The following DNMT3L variants were observed in gnomAD, a reference collection of about 807,000 sequenced individuals.
DNMT3L encodes DNA methyltransferase 3 like, also known as DNA (cytosine-5)-methyltransferase 3-like.
Under a neutral mutation model 36.2 loss-of-function variants are expected in DNMT3L, and 33 were observed. The ratio of observed to expected loss-of-function variants is 0.91; its 90% CI spans 0.69 to 1.22. DNMT3L has a LOEUF of 1.22. Ranked by LOEUF, DNMT3L falls within the 50% of genes most tolerant of loss-of-function variation. The probability of loss-of-function intolerance (pLI) is 0.00; values close to 1 mark genes in which losing one functional copy is unlikely to be tolerated. For missense variants in DNMT3L, 310 were observed against 303.1 expected (o/e 1.02, Z -0.17); for synonymous variants, 117 against 121.7 (o/e 0.96, Z 0.26).
chr21:44,259,840 G>T, intron 3 of DNMT3L, 129 bp from the exon 4 acceptor site: 1 of 971,756 alleles, frequency 1.0e-6, no homozygotes, highest in South Asian at 1.6e-5. Context: ...GTTGGAAGAT[G>T]TTAAGGAAGA....
At chr21:44,261,321 T>A (rs1344593032) in intron 1 of DNMT3L, 55 bp from the exon 2 acceptor site, 7 of 1,526,522 alleles carry the variant, frequency 4.6e-6, no homozygotes, top group Admixed American at 3.4e-5. Context: ...CCTGCTCAGA[T>A]CCCTGATGCA....
At chr21:44,255,000 G>T (rs545119465) in intron 7 of DNMT3L, among the ~76,000 whole-genome samples, 2 of 152,056 alleles carry the variant, frequency 1.3e-5, no homozygotes, top group Non-Finnish European at 2.9e-5. Flanking sequence ...TAATTTTTTT[G>T]TATTTTTAGT....
In DNMT3L at chr21:44,258,656, G is replaced by A. The variant is rs760663248; in HGVS notation, c.383C>T (p.Pro128Leu). Residue 128 changes from proline (P) to leucine (L), a missense_variant, in exon 6 of 12, where the codon CCC becomes CTC. Physicochemically the swap from Pro to Leu is moderately conservative, Grantham distance 98. Transcript: ENST00000628202. This position sits in a 1 kb window ranked among gnomAD's most constrained non-coding sequence, Gnocchi z 6.2. Reference sequence around the variant, plus strand: ...GGCGTGCACCTTCCCCGAGGTCCCGGGGCCGACCAGGCTATCCACACACTC... The same window carrying A: ...GGCGTGCACCTTCCCCGAGGTCCCGAGGCCGACCAGGCTATCCACACACTC... ...CFECVDSLVG[P>L]GTSGKVHAMS... The A allele has an allele frequency of 1.1e-5, 18 of 1,612,902 alleles. No homozygotes were observed. The highest frequency in any genetic ancestry group is 4.4e-5 in the South Asian group (4 of 91,088).
At chr21:44,255,923 G>T in intron 7 of DNMT3L, 144 bp downstream of exon 7, 1 of 794,590 alleles carries the variant, frequency 1.3e-6, no homozygotes, top group Non-Finnish European at 2.1e-6. Context: ...GGGTTAGCAT[G>T]GGCCCAGGGT....
At chr21:44,261,306 C>T in intron 1 of DNMT3L, 40 bp from the exon 2 acceptor site, 2 of 1,591,306 alleles carry the variant, frequency 1.3e-6, no homozygotes, top group Non-Finnish European at 1.7e-6. Context: ...AGAAAGCCGT[C>T]AGCCCCTGCT....
At chr21:44,260,017 C>T (rs960641859) in intron 3 of DNMT3L, among the ~76,000 whole-genome samples, 2 of 145,122 alleles carry the variant, frequency 1.4e-5, no homozygotes, top group Non-Finnish European at 3.0e-5. Flanking sequence ...CCTCTGCACT[C>T]CAGCCTGGGG....
At position 44,261,187 on chromosome 21, in the gene DNMT3L, G is replaced by T. The variant is rs778349527; in HGVS notation, c.73C>A (p.Leu25Ile). The stretch of plus-strand genomic sequence containing the variant: ...GTCCCGGGTGAAACGGAGCTTGAGA[G>T]CTCACTGGATCCCACCAAAATCACG... Reference protein sequence around the residue: ...MDVILVGSSELSSSVSPGTGR... With the variant: ...MDVILVGSSEISSSVSPGTGR... Residue 25 changes from leucine (L) to isoleucine (I), a missense_variant, in exon 2 of 12, where the codon CTC (leucine) becomes ATC (isoleucine). Transcript: ENST00000628202. 9.3e-6 allele frequency: 15 copies of T among 1,612,746 alleles called. No homozygotes were observed. The highest frequency in any genetic ancestry group is 1.1e-5 in the Non-Finnish European group (13 of 1,179,908).
chr21:44,261,376 A>G lies in DNMT3L; in HGVS notation c.-7-110T>C, dbSNP rs540808794. 905 of 1,030,680 alleles carry G rather than the reference A, an allele frequency of 8.8e-4. 4 individuals are homozygous for G. In the African/African-American group the frequency reaches 0.013, roughly 15 times the overall value. 63.8% of individuals were successfully genotyped at this position (1,030,680 alleles called of 1,614,324 possible). A position where few individuals can be genotyped will look rare whatever the true frequency, so the allele number is the denominator to read the frequency against. The stretch of plus-strand genomic sequence containing the variant: ...TTGCTGAGCAGACCTTGACTAGTTC[A>G]GGCCACCTGAACCCCCGCGGTGACA... On this transcript the variant is annotated intron_variant, in intron 1 of 11. Coordinates refer to ENST00000628202, the MANE Select transcript of DNMT3L (RefSeq NM_175867.3).
At chr21:44,253,591 T>C (rs1340543003) in intron 8 of DNMT3L, among the ~76,000 whole-genome samples, 1 of 151,892 alleles carries the variant, frequency 6.6e-6, no homozygotes, top group East Asian at 1.9e-4. Flanking sequence ...TGGTGGCGGG[T>C]GCCTGTAATA....
At position 44,259,643 on chromosome 21, in the gene DNMT3L, C is replaced by T. The variant is rs755933301; in HGVS notation, c.220G>A (p.Ala74Thr). ...GCCTCCCTGCCTACCTTACATGGGG[C>T]GCAGATCCCTCCCTCAAACAGAGGG... ...QHPLFEGGIC[A>T]PCKDKFLDAL... is the part of the protein sequence containing the mutation. The change falls in exon 4 of 12, where the codon GCC becomes ACC. Residue 74 changes from alanine to threonine, a missense_variant. Coordinates refer to ENST00000628202, the MANE Select transcript of DNMT3L (RefSeq NM_175867.3). The T allele has an allele frequency of 2.5e-5, 40 of 1,613,040 alleles. No homozygotes were observed. The highest frequency in any genetic ancestry group is 6.7e-5 in the East Asian group (3 of 44,900).
At chr21:44,253,991 C>T (rs1431638507) in intron 8 of DNMT3L, among the ~76,000 whole-genome samples, 3 of 152,090 alleles carry the variant, frequency 2.0e-5, no homozygotes, top group Admixed American at 6.5e-5. Context: ...GTGGGGACAG[C>T]GGAGGTGAGG....
intron 6 of DNMT3L, among the ~76,000 whole-genome samples, chr21:44,257,537 C>T (rs1378273482): frequency 1.2e-4 from 18 of 150,934 alleles, no homozygotes; most frequent in African/African-American, 2.2e-4. Flanking sequence ...AAAAATTAGC[C>T]GGGCGTAGTG....
Position 44,259,683 on chromosome 21 carries a change from C to G in DNMT3L, c.180G>C (p.Gln60His), listed in dbSNP as rs1259483942. The G allele has an allele frequency of 9.3e-6, 15 of 1,612,572 alleles. No homozygotes were observed. Among genetic ancestry groups the G allele is most frequent in the African/African-American group, 2.7e-5 (2 of 74,898 alleles). ...CAAACAGAGGGTGCTGTGTGTGAACCTGGAGACTTCCGCAGCAGATGCAGA... is the reference window on the plus strand; with the variant it reads ...CAAACAGAGGGTGCTGTGTGTGAACGTGGAGACTTCCGCAGCAGATGCAGA... ...EDICICCGSLQVHTQHPLFEG... is the reference protein window; with the variant it reads ...EDICICCGSLHVHTQHPLFEG... Residue 60 changes from glutamine to histidine, a missense_variant, in exon 4 of 12, where the codon CAG (glutamine) becomes CAC (histidine). Physicochemically the swap from Gln to His is conservative, Grantham distance 24. Coordinates refer to ENST00000628202, the MANE Select transcript of DNMT3L (RefSeq NM_175867.3).
rs765722839 is a variant in DNMT3L at position 44,260,048 on chromosome 21, C to CAAAAA, written c.152-342_152-338dup. On this transcript the variant is annotated intron_variant, in intron 3 of 11. Transcript: ENST00000628202. ...TGGGGGACAGAGTGAGAGTGTGTCT[C>CAAAAA]AAAAAAAAAAAAAAAAAAAAAAAGA... Among the ~76,000 whole-genome samples the CAAAAA allele has an allele frequency of 8.4e-3, 531 of 63,424 alleles. 14 individuals are homozygous for CAAAAA. Among genetic ancestry groups the CAAAAA allele is most frequent in the African/African-American group, 0.028 (482 of 17,494 alleles). 41.6% of individuals were successfully genotyped at this position (63,424 alleles called of 152,430 possible).
chr21:44,256,122 A>C lies in DNMT3L; in HGVS notation c.549T>G (p.Pro183=). 1 of 1,613,962 alleles carries C rather than the reference A, an allele frequency of 6.2e-7. No homozygotes were observed. Among genetic ancestry groups the C allele is most frequent in the African/African-American group, 1.3e-5 (1 of 75,036 alleles). ...ENPLEMFETV[P]VWRRQPVRVL... Reference sequence around the variant, plus strand: ...CCCGGACTGGCTGTCTCCTCCACACAGGCACGGTTTCGAACATCTCAAGGG... The same window carrying C: ...CCCGGACTGGCTGTCTCCTCCACACCGGCACGGTTTCGAACATCTCAAGGG... Residue 183 remains proline, a synonymous_variant, in exon 7 of 12, where the codon CCT becomes CCG. Coordinates refer to ENST00000628202, the MANE Select transcript of DNMT3L (RefSeq NM_175867.3).
chr21:44,253,948 G>A (rs943117856), intron 8 of DNMT3L, among the ~76,000 whole-genome samples: 4 of 152,298 alleles, frequency 2.6e-5, no homozygotes, highest in Middle Eastern at 6.8e-3. Context: ...GGTGCAACCT[G>A]AGGGTCTCCG....
At chr21:44,260,891 T>A in intron 2 of DNMT3L, 52 bp from the exon 3 acceptor site, 1 of 1,612,280 alleles carries the variant, frequency 6.2e-7, no homozygotes, top group East Asian at 2.2e-5. Context: ...GATCTCTTAA[T>A]TTAAATTCGG....
chr21:44,257,076 G>T (rs1204115209), intron 6 of DNMT3L, among the ~76,000 whole-genome samples: 2 of 152,180 alleles, frequency 1.3e-5, no homozygotes, highest in African/African-American at 4.8e-5. Context: ...TGGCTGGCCT[G>T]CAAATTAAAA....
At chr21:44,256,929 G>A (rs1028391354) in intron 6 of DNMT3L, among the ~76,000 whole-genome samples, 1 of 152,224 alleles carries the variant, frequency 6.6e-6, no homozygotes, top group Non-Finnish European at 1.5e-5. Flanking sequence ...AAGCTTGCTA[G>A]GCAGGGAGAG....
Sources: allele counts gnomAD v4.1 joint callset (sites outside exome capture counted in the v4.1 genomes callset), GRCh38; gene constraint gnomAD v4.1.1; non-coding constraint Gnocchi (gnomAD v3.1); transcripts MANE v1.5; gene names NCBI Gene and HGNC (gene_info 2026-07-23, HGNC 2026-07-21).